NCKAP5: variants seen among roughly 807,000 people sequenced by gnomAD.
The protein encoded by NCKAP5 is nck-associated protein 5.
A neutral mutation model predicts 167.0 loss-of-function variants in NCKAP5; 92 were observed. That is an observed-to-expected ratio of 0.55 (90% CI 0.47 to 0.66). NCKAP5 has a LOEUF of 0.66. Among genes scored for constraint, NCKAP5 ranks in the 30% least tolerant of loss-of-function variants. The pLI, the probability that NCKAP5 is intolerant of heterozygous loss-of-function variation, is 0.00. For missense variants in NCKAP5, 2,378 were observed against 2,315.0 expected, an observed-to-expected ratio of 1.03 and a Z score of -0.56; for synonymous variants, 891 against 877.4, an observed-to-expected ratio of 1.02 and a Z score of -0.27.
chr2:132,793,061 A>G (rs1443097822), intron 12 of NCKAP5, among the ~76,000 whole-genome samples: 1 of 152,070 alleles, frequency 6.6e-6, no homozygotes, highest in Non-Finnish European at 1.5e-5. Context: ...CTGGAGTGCA[A>G]TGGCATGATC....
chr2:133,166,292 G>A (rs1461230698), intron 5 of NCKAP5, among the ~76,000 whole-genome samples: 2 of 152,048 alleles, frequency 1.3e-5, no homozygotes, highest in Non-Finnish European at 1.5e-5. Context: ...CATTTTGCCT[G>A]GTTCATACTT....
intron 6 of NCKAP5, among the ~76,000 whole-genome samples, chr2:133,001,965 G>C (rs1254428063): frequency 1.5e-4 from 23 of 152,162 alleles, no homozygotes; most frequent in Admixed American, 1.5e-3. Context: ...GGTATTAAAA[G>C]TAATCTTGAG....
intron 8 of NCKAP5, among the ~76,000 whole-genome samples, chr2:132,905,850 A>G (rs1357627531): frequency 6.6e-6 from 1 of 152,112 alleles, no homozygotes; most frequent in Non-Finnish European, 1.5e-5. Flanking sequence ...GGTTCATAGT[A>G]TATACTATGC....
chr2:132,698,620 G>A (rs1046809260), intron 19 of NCKAP5, among the ~76,000 whole-genome samples: 1 of 152,098 alleles, frequency 6.6e-6, no homozygotes, highest in Non-Finnish European at 1.5e-5. Flanking sequence ...AGATCACAAG[G>A]TCAGGAGATC....
At chr2:133,165,269 T>C (rs1243883641) in intron 5 of NCKAP5, among the ~76,000 whole-genome samples, 1 of 152,204 alleles carries the variant, frequency 6.6e-6, no homozygotes. Flanking sequence ...CTGCACACTG[T>C]ACAATCCCTT....
intron 11 of NCKAP5, among the ~76,000 whole-genome samples, chr2:132,802,766 C>G (rs1341034549): frequency 6.6e-6 from 1 of 152,232 alleles, no homozygotes; most frequent in East Asian, 1.9e-4. Context: ...CAGCTTGGAG[C>G]CTGATGAAAA....
At chr2:133,021,091 T>C (rs1194296951) in intron 6 of NCKAP5, among the ~76,000 whole-genome samples, 1 of 152,208 alleles carries the variant, frequency 6.6e-6, no homozygotes, top group Admixed American at 6.5e-5. Flanking sequence ...AGACTGGCCT[T>C]TTTTTATTTA....
At chr2:133,303,201 G>A in intron 3 of NCKAP5, 91 bp from the exon 4 acceptor site, 3 of 838,030 alleles carry the variant, frequency 3.6e-6, no homozygotes, top group Admixed American at 4.1e-5. Flanking sequence ...GAGTATTTTT[G>A]ACAACATTAT....
At chr2:132,872,423 C>T (rs1214378838) in intron 9 of NCKAP5, among the ~76,000 whole-genome samples, 1 of 152,204 alleles carries the variant, frequency 6.6e-6, no homozygotes, top group East Asian at 1.9e-4. Context: ...CATGCACTCT[C>T]TTGGAAGTGG....
intron 3 of NCKAP5, among the ~76,000 whole-genome samples, chr2:133,330,441 A>T (rs1219590304): frequency 6.6e-6 from 1 of 150,530 alleles, no homozygotes; most frequent in Non-Finnish European, 1.5e-5. Context: ...TTTTTTATTT[A>T]AAAAAAGGAC....
chr2:133,233,996 G>A (rs1212583830), intron 4 of NCKAP5, among the ~76,000 whole-genome samples: 2 of 152,178 alleles, frequency 1.3e-5, no homozygotes, highest in East Asian at 1.9e-4. Context: ...CAGGACTATC[G>A]AAAGAAGGGC....
chr2:133,586,534 G>C, the NCKAP5 span, among the ~76,000 whole-genome samples: 4 of 152,118 alleles, frequency 2.6e-5, no homozygotes, highest in Admixed American at 6.5e-5. Flanking sequence ...ATCGCTCAAG[G>C]ACAGTGCTAC....
intron 1 of NCKAP5, among the ~76,000 whole-genome samples, chr2:133,567,586 G>T (rs1200317093): frequency 2.0e-5 from 3 of 151,458 alleles, no homozygotes; most frequent in Admixed American, 1.3e-4. Flanking sequence ...AATGTGAAAA[G>T]AATCCAAATA....
intron 6 of NCKAP5, among the ~76,000 whole-genome samples, chr2:133,115,775 G>GTATATATATATATATATA (rs10683280): frequency 1.1e-5 from 1 of 94,272 alleles, no homozygotes; most frequent in Non-Finnish European, 2.2e-5. Context: ...ATGTGTGTGT[G>GTATATATATATATATATA]TATATATATA....
At chr2:133,145,437 T>C (rs1358382343) in intron 5 of NCKAP5, among the ~76,000 whole-genome samples, 2 of 151,986 alleles carry the variant, frequency 1.3e-5, no homozygotes, top group Non-Finnish European at 2.9e-5. Context: ...CAGCAAACCA[T>C]CATGGCGCAT....
chr2:132,843,489 T>C (rs1252264414), intron 11 of NCKAP5, among the ~76,000 whole-genome samples: 5 of 152,086 alleles, frequency 3.3e-5, no homozygotes, highest in Non-Finnish European at 7.4e-5. Context: ...AATTCCACTG[T>C]ATCTGTTGTA....
intron 2 of NCKAP5, chr2:133,558,255 G>T (rs1470595520): frequency 6.6e-6 from 1 of 152,028 alleles, no homozygotes; most frequent in East Asian, 1.9e-4. Context: ...CTTTTTCTCT[G>T]GTCTCTGGTT....
At chr2:132,944,707 G>A (rs1416166928) in intron 8 of NCKAP5, among the ~76,000 whole-genome samples, 1 of 152,186 alleles carries the variant, frequency 6.6e-6, no homozygotes, top group African/African-American at 2.4e-5. Flanking sequence ...TCTTCCAGTA[G>A]GAAGAAACTA....
the NCKAP5 span, among the ~76,000 whole-genome samples, chr2:133,663,007 C>A: frequency 2.0e-5 from 3 of 152,080 alleles, no homozygotes; most frequent in Non-Finnish European, 4.4e-5. Context: ...TGGCTCACGC[C>A]TGTAATCCCA....
Sources: gnomAD v4.1 joint callset for allele counts (sites outside exome capture counted in the v4.1 genomes callset) on GRCh38, gnomAD v4.1.1 for gene constraint, MANE v1.5 for transcripts, NCBI Gene and HGNC (gene_info 2026-07-23, HGNC 2026-07-21) for gene names.